Variants in ZYG11A observed in about 807,000 individuals in gnomAD.
ZYG11A encodes the protein zyg-11 family member A, cell cycle regulator, also known as protein zyg-11 homolog A.
A neutral mutation model predicts 77.2 loss-of-function variants in ZYG11A; 62 were observed. The observed-to-expected ratio is 0.80, with a 90% CI of 0.65 to 0.99. ZYG11A has a LOEUF of 0.99. Ranked by LOEUF, ZYG11A falls within the 50% of genes least tolerant of loss-of-function variation. The pLI is 0.00. For missense variants in ZYG11A, 828 were observed against 896.8 expected, an observed-to-expected ratio of 0.92 and a Z score of 0.98; for synonymous variants, 315 against 324.6, an observed-to-expected ratio of 0.97 and a Z score of 0.32.
At chr1:52,879,885 C>A (rs1001554404) in intron 10 of ZYG11A, among the ~76,000 whole-genome samples, 1 of 151,810 alleles carries the variant, frequency 6.6e-6, no homozygotes, top group Non-Finnish European at 1.5e-5. Context: ...ACTTCAGTCT[C>A]CCGAGTAGCT....
Position 52,868,827 on chromosome 1 carries a change from C to G in ZYG11A, c.1542+1050C>G, listed in dbSNP as rs546117420. Among the ~76,000 whole-genome samples, 28 of 152,188 alleles carry G rather than the reference C, an allele frequency of 1.8e-4. 1 individual carries two copies. In the South Asian group the frequency reaches 4.1e-3, roughly 23 times the overall value. Reference sequence around the variant, plus strand: ...AAAAACAACATTGTTTTATTCTGTACTTATTTTTTTATTTTCATTTTATTA... The same window carrying G: ...AAAAACAACATTGTTTTATTCTGTAGTTATTTTTTTATTTTCATTTTATTA... On this transcript the variant is annotated intron_variant, in intron 8 of 13. Coordinates refer to ENST00000371528, the MANE Select transcript of ZYG11A (RefSeq NM_001004339.3).
At chr1:52,846,799 C>G (rs1194664325) in intron 1 of ZYG11A, among the ~76,000 whole-genome samples, 1 of 151,308 alleles carries the variant, frequency 6.6e-6, no homozygotes, top group African/African-American at 2.4e-5. Context: ...TAGAGTGGTA[C>G]TAGGACCAAA....
chr1:52,869,871 ACCTC>A (rs1646109937), intron 8 of ZYG11A, among the ~76,000 whole-genome samples: 1 of 133,228 alleles, frequency 7.5e-6, no homozygotes, highest in South Asian at 2.5e-4. Context: ...ACCCCCCCAC[ACCTC>A]CCTCCCGGAC....
chr1:52,846,610 G>A (rs1394171714), intron 1 of ZYG11A, among the ~76,000 whole-genome samples: 1 of 151,504 alleles, frequency 6.6e-6, no homozygotes, highest in African/African-American at 2.4e-5. Context: ...CAAAGTACTA[G>A]GATTACAGGC....
intron 1 of ZYG11A, among the ~76,000 whole-genome samples, chr1:52,850,290 TAC>T (rs1334902309): frequency 6.6e-6 from 1 of 151,676 alleles, no homozygotes; most frequent in African/African-American, 2.4e-5. Flanking sequence ...AGCTGGGACT[TAC>T]AGGCGCAAGC....
At chr1:52,874,219 C>T (rs1374604180) in intron 8 of ZYG11A, among the ~76,000 whole-genome samples, 2 of 134,972 alleles carry the variant, frequency 1.5e-5, no homozygotes, top group Non-Finnish European at 3.2e-5. Context: ...GGTGGTTTAG[C>T]GTTTTTTAGC....
At chr1:52,866,169 C>G (rs1475030043) in intron 5 of ZYG11A, among the ~76,000 whole-genome samples, 1 of 152,048 alleles carries the variant, frequency 6.6e-6, no homozygotes, top group Admixed American at 6.6e-5. Context: ...GATCTCCTGA[C>G]CTCGTGATCC....
At chr1:52,849,925 C>A (rs1459515908) in intron 1 of ZYG11A, among the ~76,000 whole-genome samples, 2 of 152,022 alleles carry the variant, frequency 1.3e-5, no homozygotes, top group Non-Finnish European at 2.9e-5. Context: ...ACCTCGTGAT[C>A]CGCCCACCTC....
Position 52,842,919 on chromosome 1 carries a change from G to T in ZYG11A, c.36G>T (p.Arg12=), listed in dbSNP as rs539124710. The change falls in exon 1 of 14, where the codon CGG becomes CGT. Residue 12 remains arginine (R), a synonymous_variant. Coordinates refer to ENST00000371528, the MANE Select transcript of ZYG11A (RefSeq NM_001004339.3). ...TCTTGCACCCGGGCCACACGCCCCG[G>T]AACATCGTCCCTCCTGACGCTCAGA... ...VHFLHPGHTP[R]NIVPPDAQKD... 5 of 1,529,812 alleles carry T rather than the reference G, an allele frequency of 3.3e-6. No homozygotes were observed. The highest frequency in any genetic ancestry group is 2.8e-5 in the African/African-American group (2 of 70,284). The allele number at this position is 1,529,812 out of a possible 1,614,324, so 94.8% of individuals were successfully genotyped here.
In ZYG11A at chr1:52,857,010, A is replaced by C. The variant is rs1645824550; in HGVS notation, c.269A>C (p.Asp90Ala). The part of the protein sequence containing the change: ...RVMTWQGKLT[D>A]RTASIFRGNQ... ...GGTTCTTTCATAGGCAAGCTGACTG[A>C]CAGAACAGCCAGCATTTTCCGAGGC... The change falls in exon 3 of 14, where the codon GAC becomes GCC. Residue 90 changes from aspartate (D) to alanine (A), a missense_variant. Asp to Ala is a moderately radical substitution (Grantham distance 126). Coordinates refer to ENST00000371528, the MANE Select transcript of ZYG11A (RefSeq NM_001004339.3). 6.5e-7 allele frequency: 1 copy of C among 1,537,832 alleles called. No individual in the cohort carries two copies. The highest frequency in any genetic ancestry group is 1.2e-5 in the South Asian group (1 of 82,666).
At chr1:52,857,841 T>C in intron 3 of ZYG11A, 92 bp downstream of exon 3, 1 of 1,079,396 alleles carries the variant, frequency 9.3e-7, no homozygotes, top group Non-Finnish European at 1.3e-6. Flanking sequence ...GTATTAGGGT[T>C]ACAGAGACAG....
intron 8 of ZYG11A, among the ~76,000 whole-genome samples, chr1:52,869,989 G>A (rs1330826336): frequency 1.1e-4 from 17 of 150,320 alleles, no homozygotes; most frequent in African/African-American, 3.5e-4. Flanking sequence ...CCTCCCGGGC[G>A]GGGCGGCTGC....
At position 52,893,975 on chromosome 1, in the gene ZYG11A, C is replaced by G. The variant is rs1646586490; in HGVS notation, c.*1018C>G. On this transcript the variant is annotated 3_prime_UTR_variant, in exon 14 of 14. Transcript: ENST00000371528. ...TACAGGCACATGCCGCCACGCCCGG[C>G]TAATTTTTGTATTTTTTAGTAGAGA... is the stretch of plus-strand genomic sequence containing the variant. 6.6e-6 allele frequency: 1 copy of G among 151,794 alleles called. No homozygotes were observed. The highest frequency in any genetic ancestry group is 2.4e-5 in the African/African-American group (1 of 41,330). The allele number at this position is 151,794 out of a possible 1,614,324, so 9.4% of individuals were successfully genotyped here.
chr1:52,854,574 A>G lies in ZYG11A; in HGVS notation c.200A>G (p.His67Arg), dbSNP rs1645773307. Residue 67 changes from histidine to arginine, a missense_variant, in exon 2 of 14, where the codon CAT (histidine) becomes CGT (arginine). By Grantham distance (29) the His-to-Arg change is conservative. Coordinates refer to ENST00000371528, the MANE Select transcript of ZYG11A (RefSeq NM_001004339.3). The part of the protein sequence containing the change: ...RPDGTLCLPE[H>R]WSFPQEVAER... ...GATGGAACACTGTGCCTTCCGGAGC[A>G]TTGGAGTTTCCCTCAGGAAGTAGCC... 2 of 1,549,782 alleles carry G rather than the reference A, an allele frequency of 1.3e-6. No individual in the cohort carries two copies. The highest frequency in any genetic ancestry group is 1.7e-6 in the Non-Finnish European group (2 of 1,145,606).
intron 10 of ZYG11A, 196 bp from the exon 11 acceptor site, chr1:52,881,275 T>C: frequency 2.1e-6 from 1 of 467,804 alleles, no homozygotes; most frequent in South Asian, 4.2e-5. Context: ...AAGTACTTAT[T>C]TAGTGATTGT....
chr1:52,866,901 G>C (rs1249851597), intron 6 of ZYG11A, among the ~76,000 whole-genome samples: 1 of 152,094 alleles, frequency 6.6e-6, no homozygotes, highest in Admixed American at 6.6e-5. Flanking sequence ...TTAATTCCTA[G>C]TTTAAGTACA....
Position 52,867,568 on chromosome 1 carries a change from GGCTCTGT to G in ZYG11A, c.1422_1428del (p.Trp474Ter), listed in dbSNP as rs1646049214. ...GATGCTGCCAAGTTTGTCATGAGATGGCTCTGTAAGCATGAAAACCCCAAGATGCAAA... is the reference window on the plus strand; with the variant it reads ...GATGCTGCCAAGTTTGTCATGAGATGAAGCATGAAAACCCCAAGATGCAAA... On this transcript the variant is annotated frameshift_variant, in exon 7 of 14. Transcript: ENST00000371528. LOFTEE classifies it high-confidence loss of function. The G allele has an allele frequency of 6.4e-7, 1 of 1,552,010 alleles. No homozygotes were observed. Among genetic ancestry groups the G allele is most frequent in the Non-Finnish European group, 8.7e-7 (1 of 1,146,986 alleles).
chr1:52,884,794 A>G (rs896960225), intron 11 of ZYG11A, among the ~76,000 whole-genome samples: 2 of 152,116 alleles, frequency 1.3e-5, no homozygotes, highest in Admixed American at 6.5e-5. Context: ...TGGTGTTCCC[A>G]CCCTGAATTG....
At chr1:52,859,028 T>C (rs940512432) in intron 3 of ZYG11A, among the ~76,000 whole-genome samples, 2 of 152,222 alleles carry the variant, frequency 1.3e-5, no homozygotes, top group South Asian at 4.1e-4. Context: ...CATTTTATTC[T>C]TTTGATTTGA....
Sources: gnomAD v4.1 joint callset for allele counts (sites outside exome capture counted in the v4.1 genomes callset) on GRCh38, gnomAD v4.1.1 for gene constraint, MANE v1.5 for transcripts, NCBI Gene and HGNC (gene_info 2026-07-23, HGNC 2026-07-21) for gene names.